DOK6: variants seen among roughly 807,000 people sequenced by gnomAD.
DOK6 encodes downstream of tyrosine kinase 6.
In DOK6, 22 loss-of-function variants were observed where a neutral mutation model predicts 44.0. The observed-to-expected ratio is 0.50, with a 90% CI of 0.36 to 0.71. DOK6 has a LOEUF of 0.71. Among genes scored for constraint, DOK6 ranks in the 30% least tolerant of loss-of-function variants. DOK6 has a pLI of 0.00. For synonymous variants in DOK6, 166 were observed against 145.5 expected (o/e 1.14, Z -1.01); for missense variants, 340 against 416.4 (o/e 0.82, Z 1.60).
At chr18:69,495,945 G>A (rs1599158758) in intron 1 of DOK6, among the ~76,000 whole-genome samples, 1 of 152,210 alleles carries the variant, frequency 6.6e-6, no homozygotes, top group Non-Finnish European at 1.5e-5. Flanking sequence ...TCTGAGATTT[G>A]AGCGGGTGCC....
intron 5 of DOK6, among the ~76,000 whole-genome samples, chr18:69,720,325 T>C (rs1313860582): frequency 1.3e-5 from 2 of 152,226 alleles, no homozygotes; most frequent in Non-Finnish European, 2.9e-5. Context: ...AATAAAATTA[T>C]AGCAAGTGAT....
intron 3 of DOK6, among the ~76,000 whole-genome samples, chr18:69,617,515 AAAAG>A (rs1244815456): frequency 1.6e-4 from 4 of 24,326 alleles, no homozygotes; most frequent in Admixed American, 4.6e-4. Context: ...AGAAAGAAAG[AAAAG>A]AAAGAAAGGA....
At chr18:69,435,207 G>C (rs1326526286) in intron 1 of DOK6, among the ~76,000 whole-genome samples, 1 of 152,190 alleles carries the variant, frequency 6.6e-6, no homozygotes, top group Non-Finnish European at 1.5e-5. Context: ...CTTCAGAGTT[G>C]TCACAAATTG....
chr18:69,421,926 C>T (rs1278625325), intron 1 of DOK6, among the ~76,000 whole-genome samples: 1 of 152,072 alleles, frequency 6.6e-6, no homozygotes, highest in Non-Finnish European at 1.5e-5. Context: ...ACTAGCTCTT[C>T]CCTGCCATTA....
chr18:69,645,030 C>T (rs746158415), intron 3 of DOK6, among the ~76,000 whole-genome samples: 30 of 152,328 alleles, frequency 2.0e-4, no homozygotes, highest in Non-Finnish European at 4.1e-4. Flanking sequence ...CTCTTGCATA[C>T]CTTTGATTCT....
intron 3 of DOK6, among the ~76,000 whole-genome samples, chr18:69,667,922 T>G (rs541757500): frequency 6.6e-6 from 1 of 152,352 alleles, no homozygotes; most frequent in African/African-American, 2.4e-5. Context: ...CAAGCTCATA[T>G]AGTGAACTGC....
At chr18:69,431,999 A>G (rs906622651) in intron 1 of DOK6, among the ~76,000 whole-genome samples, 4 of 150,730 alleles carry the variant, frequency 2.7e-5, no homozygotes, top group African/African-American at 9.8e-5. Flanking sequence ...ACTTTAAAAA[A>G]CTGCAGCTTA....
intron 1 of DOK6, among the ~76,000 whole-genome samples, chr18:69,440,753 AACACACACAC>A (rs55904998): frequency 6.7e-6 from 1 of 149,816 alleles, no homozygotes; most frequent in Admixed American, 6.7e-5. Context: ...TACACACACA[AACACACACAC>A]ACACACACAC....
chr18:69,571,595 G>A (rs1983115740), intron 2 of DOK6, among the ~76,000 whole-genome samples: 1 of 151,998 alleles, frequency 6.6e-6, no homozygotes, highest in South Asian at 2.1e-4. Flanking sequence ...TATTAAATCA[G>A]AGAAATAGAC....
At chr18:69,706,307 G>A (rs1986632000) in intron 5 of DOK6, among the ~76,000 whole-genome samples, 1 of 152,022 alleles carries the variant, frequency 6.6e-6, no homozygotes, top group South Asian at 2.1e-4. Context: ...CTTGAGAAAG[G>A]CATTTTAGGG....
intron 4 of DOK6, 52 bp from the exon 5 acceptor site, chr18:69,698,352 G>C (rs962464510): frequency 2.6e-6 from 4 of 1,512,644 alleles, no homozygotes; most frequent in Middle Eastern, 1.8e-4. Flanking sequence ...TATGGCCATA[G>C]ACACTCACAC....
chr18:69,822,883 A>C (rs564575003), intron 7 of DOK6, among the ~76,000 whole-genome samples: 1 of 152,322 alleles, frequency 6.6e-6, no homozygotes, highest in Non-Finnish European at 1.5e-5. Flanking sequence ...AAGAAATAGT[A>C]ATTTCCTTAT....
At chr18:69,569,682 A>T (rs1983068295) in intron 2 of DOK6, among the ~76,000 whole-genome samples, 2 of 152,264 alleles carry the variant, frequency 1.3e-5, no homozygotes, top group Non-Finnish European at 2.9e-5. Context: ...TTTTAAAAAA[A>T]GTATTTTTGG....
intron 3 of DOK6, among the ~76,000 whole-genome samples, chr18:69,677,227 A>AT (rs1345388182): frequency 2.0e-5 from 3 of 151,888 alleles, no homozygotes; most frequent in Non-Finnish European, 4.4e-5. Flanking sequence ...CTAACCTGAC[A>AT]TTTTTTCAAC....
intron 3 of DOK6, among the ~76,000 whole-genome samples, chr18:69,657,288 C>A (rs1015826564): frequency 6.6e-6 from 1 of 152,178 alleles, no homozygotes; most frequent in Non-Finnish European, 1.5e-5. Flanking sequence ...CATTAACTTG[C>A]GTCTGTCAGT....
intron 4 of DOK6, among the ~76,000 whole-genome samples, chr18:69,682,568 C>T (rs1338127523): frequency 6.6e-6 from 1 of 152,172 alleles, no homozygotes; most frequent in Admixed American, 6.5e-5. Flanking sequence ...CCCAGATTTG[C>T]AACACAATTT....
intron 2 of DOK6, among the ~76,000 whole-genome samples, chr18:69,579,386 C>T (rs1983311071): frequency 1.3e-5 from 2 of 152,114 alleles, no homozygotes; most frequent in Non-Finnish European, 2.9e-5. Flanking sequence ...TAAAATGTAA[C>T]TGGATTTTCA....
At chr18:69,656,008 C>A (rs764803101) in intron 3 of DOK6, among the ~76,000 whole-genome samples, 4 of 151,464 alleles carry the variant, frequency 2.6e-5, no homozygotes, top group African/African-American at 9.7e-5. Context: ...TGAAGAAAGA[C>A]TTGTATTGTT....
chr18:69,534,712 C>T (rs1982073514), intron 1 of DOK6, among the ~76,000 whole-genome samples: 1 of 151,952 alleles, frequency 6.6e-6, no homozygotes, highest in Non-Finnish European at 1.5e-5. Flanking sequence ...TAATAGTTTC[C>T]ACTCGTTCCT....
Sources: allele counts gnomAD v4.1 joint callset (sites outside exome capture counted in the v4.1 genomes callset), GRCh38; gene constraint gnomAD v4.1.1; transcripts MANE v1.5; gene names NCBI Gene and HGNC (gene_info 2026-07-23, HGNC 2026-07-21).